Variants in NUSAP1 observed in about 807,000 individuals in gnomAD.
NUSAP1 encodes the protein nucleolar and spindle-associated protein 1.
In NUSAP1, 32 loss-of-function variants were observed where a neutral mutation model predicts 52.8. The ratio of observed to expected loss-of-function variants is 0.61; its 90% CI spans 0.46 to 0.81. The LOEUF (loss-of-function observed/expected upper bound fraction) is 0.81. NUSAP1 is among the 40% of genes least tolerant of loss of function. NUSAP1 has a pLI of 0.00. For missense variants in NUSAP1, 499 were observed against 522.3 expected, an observed-to-expected ratio of 0.96 and a Z score of 0.43; for synonymous variants, 195 against 183.1, an observed-to-expected ratio of 1.06 and a Z score of -0.52.
At chr15:41,362,419 CTTTT>C (rs71104787) in intron 6 of NUSAP1, among the ~76,000 whole-genome samples, 1 of 131,072 alleles carries the variant, frequency 7.6e-6, no homozygotes, top group Non-Finnish European at 1.6e-5. Context: ...TATTGTTTAT[CTTTT>C]TTTTTTTTTT....
rs368420299 is a variant in NUSAP1, at chr15:41,354,167, G to A, written c.449-1872G>A. Among the ~76,000 whole-genome samples the A allele has an allele frequency of 2.0e-5, 3 of 152,188 alleles. No individual in the cohort carries two copies. The East Asian group carries it at 5.8e-4, about 29-fold the overall frequency. On this transcript the variant is annotated intron_variant, in intron 4 of 10. Transcript: ENST00000559596. ...GAAGCAGAAGTATCACTTGTGCCCA[G>A]GATTTTGAGGCCAGCTGGGCAACGT...
chr15:41,364,468 C>T (rs1470076816), intron 6 of NUSAP1, among the ~76,000 whole-genome samples: 1 of 152,052 alleles, frequency 6.6e-6, no homozygotes, highest in African/African-American at 2.4e-5. Flanking sequence ...ATCGCTTGAA[C>T]CTGGGAGGCA....
In NUSAP1 at chr15:41,336,648, G is replaced by GTTTTTTT. The variant is rs75426159; in HGVS notation, c.93+3613_93+3619dup. 6.8e-3 allele frequency among the ~76,000 whole-genome samples: 621 copies of GTTTTTTT among 91,250 alleles called. 15 individuals are homozygous for GTTTTTTT. The highest frequency in any genetic ancestry group is 0.02 in the East Asian group (82 of 4,066). The allele number at this position is 91,250 out of a possible 152,430, so 59.9% of individuals were successfully genotyped here. A position where few individuals can be genotyped will look rare whatever the true frequency, so the allele number is the denominator to read the frequency against. On this transcript the variant is annotated intron_variant, in intron 1 of 10. Transcript: ENST00000559596. ...TGGGCATTTGATCCTCCTCCTTTTG[G>GTTTTTTT]TTTTTTTTTTTTTTTTTTTTTGAGA...
chr15:41,347,225 A>T (rs2048609554), intron 2 of NUSAP1, among the ~76,000 whole-genome samples: 1 of 152,170 alleles, frequency 6.6e-6, no homozygotes, highest in Admixed American at 6.6e-5. Context: ...CCAAATAAAT[A>T]GACTATCAAG....
At chr15:41,348,298 C>T (rs542058059) in intron 2 of NUSAP1, among the ~76,000 whole-genome samples, 7 of 152,208 alleles carry the variant, frequency 4.6e-5, no homozygotes, top group Middle Eastern at 6.8e-3. Flanking sequence ...AGGCTGGTCT[C>T]GAAATCCTGA....
chr15:41,364,212 G>A (rs888571570), intron 6 of NUSAP1, among the ~76,000 whole-genome samples: 1 of 151,994 alleles, frequency 6.6e-6, no homozygotes, highest in African/African-American at 2.4e-5. Context: ...TTCCTTTGTG[G>A]CTACAAGGGA....
At chr15:41,369,181 G>T (rs1178579367) in intron 7 of NUSAP1, among the ~76,000 whole-genome samples, 1 of 152,056 alleles carries the variant, frequency 6.6e-6, no homozygotes, top group African/African-American at 2.4e-5. Flanking sequence ...AAAGTACTGG[G>T]ATTATAGGTG....
intron 10 of NUSAP1, among the ~76,000 whole-genome samples, chr15:41,377,809 GGCT>G: frequency 6.7e-6 from 1 of 150,306 alleles, no homozygotes; most frequent in African/African-American, 2.5e-5. Flanking sequence ...AGACCATCCT[GGCT>G]AACGCATTGA....
intron 9 of NUSAP1, 39 bp downstream of exon 9, chr15:41,375,867 ACTT>A: frequency 7.1e-7 from 1 of 1,404,518 alleles, no homozygotes; most frequent in South Asian, 1.2e-5. Context: ...CCTGTAAAAT[ACTT>A]AAGATTGGTG....
At position 41,375,752 on chromosome 15, in the gene NUSAP1, T is replaced by C. The variant is rs754095406; in HGVS notation, c.1047T>C (p.Thr349=). The part of the protein sequence containing the change: ...PFKLTTEATQ[T]PVSNKKPVFD... ...AGTTGACAACTGAGGCAACGCAGAC[T>C]CCAGTCTCCAATAAGAAACCAGTGT... The change falls in exon 9 of 11, where the codon ACT becomes ACC. Residue 349 remains threonine, a synonymous_variant. Coordinates refer to ENST00000559596, the MANE Select transcript of NUSAP1 (RefSeq NM_016359.5). 1 of 1,613,796 alleles carries C rather than the reference T, an allele frequency of 6.2e-7. No individual in the cohort carries two copies. Among genetic ancestry groups the C allele is most frequent in the African/African-American group, 1.3e-5 (1 of 74,942 alleles).
chr15:41,358,191 C>T lies in NUSAP1; in HGVS notation c.593C>T (p.Ser198Phe). The change falls in exon 6 of 11, where the codon TCC becomes TTC. Residue 198 changes from serine (S) to phenylalanine (F), a missense_variant. Ser to Phe is a radical substitution (Grantham distance 155). Transcript: ENST00000559596. ...GAAGCTCATTTTAAGGAAATGGAGT[C>T]CATTGATCAATATATTGAGAGAAAA... ...LHEAHFKEME[S>F]IDQYIERKKK... 6.3e-7 allele frequency: 1 copy of T among 1,576,960 alleles called. No homozygotes were observed. Among genetic ancestry groups the T allele is most frequent in the Non-Finnish European group, 8.7e-7 (1 of 1,151,128 alleles).
chr15:41,352,868 A>G (rs1268118664), intron 4 of NUSAP1, among the ~76,000 whole-genome samples: 5 of 152,014 alleles, frequency 3.3e-5, no homozygotes, highest in Admixed American at 6.6e-5. Context: ...GCATTTTTTA[A>G]TACAGGCCAG....
rs1566815163 is a variant in NUSAP1, at chr15:41,380,140, CA to C, written c.1283del (p.Lys428ArgfsTer44). The C allele has an allele frequency of 1.3e-6, 2 of 1,588,342 alleles. No homozygotes were observed. Among genetic ancestry groups the C allele is most frequent in the Admixed American group, 1.8e-5 (1 of 55,736 alleles). On this transcript the variant is annotated frameshift_variant, in exon 11 of 11. Coordinates refer to ENST00000559596, the MANE Select transcript of NUSAP1 (RefSeq NM_016359.5). LOFTEE classifies it high-confidence loss of function. ...GAGCAAGAACGAAAGGAGAAGAAAGCAAAGGTTTTGGGAATGCGAAGGGGCC... is the reference window on the plus strand; with the variant it reads ...GAGCAAGAACGAAAGGAGAAGAAAGCAAGGTTTTGGGAATGCGAAGGGGCC... ...KREQERKEKK[A>X]KVLGMRRGLI...
At chr15:41,364,532 A>G (rs1220987123) in intron 6 of NUSAP1, among the ~76,000 whole-genome samples, 1 of 151,940 alleles carries the variant, frequency 6.6e-6, no homozygotes, top group African/African-American at 2.4e-5. Flanking sequence ...GGTGAAAGAA[A>G]GAGACCCCGT....
intron 10 of NUSAP1, 149 bp from the exon 11 acceptor site, chr15:41,379,944 G>C: frequency 1.7e-6 from 1 of 583,354 alleles, no homozygotes; most frequent in South Asian, 2.3e-5. Flanking sequence ...GAAACACTAG[G>C]CAGAGCACAG....
intron 6 of NUSAP1, among the ~76,000 whole-genome samples, chr15:41,363,662 C>T (rs992589394): frequency 6.6e-6 from 1 of 152,070 alleles, no homozygotes; most frequent in African/African-American, 2.4e-5. Context: ...CATGGGCCAC[C>T]AGATTATGTT....
chr15:41,352,577 T>TTTTATTTATTTA (rs553552420), intron 4 of NUSAP1, among the ~76,000 whole-genome samples: 2 of 151,766 alleles, frequency 1.3e-5, no homozygotes, highest in Non-Finnish European at 2.9e-5. Flanking sequence ...AATTTTTAAT[T>TTTTATTTATTTA]TTTATTTATT....
At chr15:41,379,103 G>A (rs868555970) in intron 10 of NUSAP1, among the ~76,000 whole-genome samples, 4 of 151,102 alleles carry the variant, frequency 2.6e-5, no homozygotes, top group Non-Finnish European at 4.4e-5. Flanking sequence ...ACAGGTTCCC[G>A]CCCCCGCGTG....
intron 4 of NUSAP1, among the ~76,000 whole-genome samples, chr15:41,351,567 C>T (rs1427777039): frequency 6.6e-6 from 1 of 152,144 alleles, no homozygotes. Context: ...AGGAGGATTG[C>T]TTGAGCCTAG....
Sources: gnomAD v4.1 joint callset for allele counts (sites outside exome capture counted in the v4.1 genomes callset) on GRCh38, gnomAD v4.1.1 for gene constraint, MANE v1.5 for transcripts, NCBI Gene and HGNC (gene_info 2026-07-23, HGNC 2026-07-21) for gene names.